Variants in AGBL1 observed in about 807,000 individuals in gnomAD.
AGBL1 encodes the protein cytosolic carboxypeptidase 4.
A neutral mutation model predicts 118.9 loss-of-function variants in AGBL1; 130 were observed. The ratio of observed to expected loss-of-function variants is 1.09; its 90% CI spans 0.95 to 1.26. The LOEUF is 1.26. Ranked by LOEUF, AGBL1 falls within the 50% of genes most tolerant of loss-of-function variation. The probability of loss-of-function intolerance (pLI) is 0.00; values close to 1 mark genes in which losing one functional copy is unlikely to be tolerated. For missense variants in AGBL1, 1,584 were observed against 1,298.1 expected (o/e 1.22, Z -3.38); for synonymous variants, 555 against 478.9 (o/e 1.16, Z -2.08).
intron 24 of AGBL1, among the ~76,000 whole-genome samples, chr15:87,014,124 G>C (rs16939711): frequency 1.3e-5 from 2 of 152,086 alleles, no homozygotes. Flanking sequence ...AAGGCTGACA[G>C]TTGTGATATG....
intron 17 of AGBL1, among the ~76,000 whole-genome samples, chr15:86,330,050 C>T (rs1314836397): frequency 6.6e-6 from 1 of 152,210 alleles, no homozygotes; most frequent in Non-Finnish European, 1.5e-5. Context: ...TGGATTCTCC[C>T]TCTGCACTGA....
chr15:86,865,357 C>G (rs76828046), intron 22 of AGBL1, among the ~76,000 whole-genome samples: 1 of 152,176 alleles, frequency 6.6e-6, no homozygotes, highest in African/African-American at 2.4e-5. Flanking sequence ...CAAAGCCCCA[C>G]GTTTTGTATT....
At chr15:86,939,980 C>G (rs1013142970) in intron 23 of AGBL1, among the ~76,000 whole-genome samples, 4 of 149,674 alleles carry the variant, frequency 2.7e-5, no homozygotes, top group African/African-American at 9.8e-5. Context: ...CTCCCAGGCT[C>G]AAGCAATCCT....
chr15:86,138,839 G>A (rs1410198265), intron 1 of AGBL1, among the ~76,000 whole-genome samples: 1 of 152,220 alleles, frequency 6.6e-6, no homozygotes, highest in African/African-American at 2.4e-5. Flanking sequence ...AGAAAGATGA[G>A]CTGTGCTACA....
chr15:86,747,791 C>T (rs978637037), intron 22 of AGBL1, among the ~76,000 whole-genome samples: 2 of 152,276 alleles, frequency 1.3e-5, no homozygotes, highest in Admixed American at 1.3e-4. Flanking sequence ...ATCCATGTCC[C>T]TACAAAGGAC....
intron 21 of AGBL1, among the ~76,000 whole-genome samples, chr15:86,587,190 T>C (rs1411856994): frequency 6.6e-6 from 1 of 152,166 alleles, no homozygotes; most frequent in African/African-American, 2.4e-5. Context: ...TTATCTTCCT[T>C]CTACAGATGA....
At chr15:86,549,183 G>T (rs115098947) in intron 20 of AGBL1, among the ~76,000 whole-genome samples, 1 of 151,978 alleles carries the variant, frequency 6.6e-6, no homozygotes, top group African/African-American at 2.4e-5. Context: ...AAACTATATC[G>T]TATGGATTAT....
chr15:86,905,736 C>T (rs563788698), intron 22 of AGBL1, among the ~76,000 whole-genome samples: 1 of 152,312 alleles, frequency 6.6e-6, no homozygotes, highest in South Asian at 2.1e-4. Context: ...TTGCATGACA[C>T]TGACACCTCC....
chr15:86,693,980 A>C (rs567461069), intron 22 of AGBL1, among the ~76,000 whole-genome samples: 110 of 151,956 alleles, frequency 7.2e-4, no homozygotes, highest in African/African-American at 2.5e-3. Flanking sequence ...CAGCACCATG[A>C]TATTTTGGTG....
chr15:86,954,911 C>A (rs954173963), intron 23 of AGBL1, among the ~76,000 whole-genome samples: 12 of 152,124 alleles, frequency 7.9e-5, no homozygotes, highest in Admixed American at 7.2e-4. Flanking sequence ...GTCATGATAA[C>A]TTGTGTTATT....
At chr15:86,356,335 C>CGTGTGTGT (rs55955604) in intron 17 of AGBL1, among the ~76,000 whole-genome samples, 1,585 of 150,142 alleles carry the variant, frequency 0.011, 16 homozygotes, top group South Asian at 0.023. Flanking sequence ...CGAAGATAGA[C>CGTGTGTGT]GTGTGTGTGT....
intron 23 of AGBL1, among the ~76,000 whole-genome samples, chr15:86,944,948 T>C (rs543116110): frequency 1.3e-5 from 2 of 152,278 alleles, no homozygotes; most frequent in East Asian, 3.9e-4. Context: ...CCTGAGCAAA[T>C]CAGAATGTAT....
intron 17 of AGBL1, among the ~76,000 whole-genome samples, chr15:86,395,506 C>G (rs2081349204): frequency 6.6e-6 from 1 of 152,058 alleles, no homozygotes; most frequent in Non-Finnish European, 1.5e-5. Flanking sequence ...TTTGTCACTA[C>G]TGACAAATGC....
At position 86,397,428 on chromosome 15, in the gene AGBL1, G is replaced by T. The variant is rs541083363; in HGVS notation, c.2437G>T (p.Val813Leu). ...TCCAGGAGAGAGCAATGCCAGTTGG[G>T]TGATGAAGGGTACCTTGGAGTTCCT... ...VHPGESNASWVMKGTLEFLVS... is the reference protein window; with the variant it reads ...VHPGESNASWLMKGTLEFLVS... Residue 813 changes from valine (V) to leucine (L), a missense_variant, in exon 18 of 23, where the codon GTG (valine) becomes TTG (leucine). Physicochemically the swap from Val to Leu is conservative, Grantham distance 32. Transcript: ENST00000614907. 6.2e-7 allele frequency: 1 copy of T among 1,613,136 alleles called. No individual in the cohort carries two copies. The highest frequency in any genetic ancestry group is 1.7e-5 in the Admixed American group (1 of 59,942).
At chr15:86,852,859 G>C (rs2079426417) in intron 22 of AGBL1, among the ~76,000 whole-genome samples, 1 of 152,204 alleles carries the variant, frequency 6.6e-6, no homozygotes, top group African/African-American at 2.4e-5. Flanking sequence ...TTGCATATTA[G>C]AATCAACTGG....
At chr15:86,558,391 G>A (rs1290162580) in intron 21 of AGBL1, among the ~76,000 whole-genome samples, 5 of 152,106 alleles carry the variant, frequency 3.3e-5, no homozygotes. Flanking sequence ...TGCTTCAGTT[G>A]GGATGACTCC....
At chr15:86,190,501 CTGTT>C (rs1388743135) in intron 5 of AGBL1, among the ~76,000 whole-genome samples, 1 of 151,860 alleles carries the variant, frequency 6.6e-6, no homozygotes, top group African/African-American at 2.4e-5. Context: ...TTATTTTTGT[CTGTT>C]TGGTACAGCC....
At chr15:86,254,193 G>A (rs746686544) in intron 7 of AGBL1, among the ~76,000 whole-genome samples, 10 of 152,202 alleles carry the variant, frequency 6.6e-5, no homozygotes, top group Non-Finnish European at 1.2e-4. Flanking sequence ...ACTCCTAGGA[G>A]ACTTTATGAA....
chr15:86,188,546 GAT>G, intron 5 of AGBL1, among the ~76,000 whole-genome samples: 1 of 152,276 alleles, frequency 6.6e-6, no homozygotes, highest in South Asian at 2.1e-4. Flanking sequence ...GAAATAAAAA[GAT>G]ATTACCTGCT....
Sources: gnomAD v4.1 joint callset for allele counts (sites outside exome capture counted in the v4.1 genomes callset) on GRCh38, gnomAD v4.1.1 for gene constraint, MANE v1.5 for transcripts, NCBI Gene and HGNC (gene_info 2026-07-23, HGNC 2026-07-21) for gene names.